The following PCSK1 variants were observed in gnomAD, a reference collection of about 807,000 sequenced individuals.
PCSK1 encodes neuroendocrine convertase 1.
In PCSK1, 56 loss-of-function variants were observed where a neutral mutation model predicts 90.6. The ratio of observed to expected loss-of-function variants is 0.62; its 90% CI spans 0.50 to 0.77. The LOEUF (loss-of-function observed/expected upper bound fraction) is 0.77. Ranked by LOEUF, PCSK1 falls within the 30% of genes least tolerant of loss-of-function variation. The pLI is 0.00. For synonymous variants in PCSK1, 348 were observed against 342.4 expected (o/e 1.02, Z -0.18); for missense variants, 801 against 932.6 (o/e 0.86, Z 1.84).
chr5:96,398,345 G>T (rs894622706), intron 11 of PCSK1, among the ~76,000 whole-genome samples: 1 of 152,042 alleles, frequency 6.6e-6, no homozygotes, highest in African/African-American at 2.4e-5. Flanking sequence ...TATGGTTCAC[G>T]AGCTCTTTCC....
At chr5:96,418,223 A>G (rs1760996476) in intron 5 of PCSK1, among the ~76,000 whole-genome samples, 1 of 152,186 alleles carries the variant, frequency 6.6e-6, no homozygotes, top group Non-Finnish European at 1.5e-5. Flanking sequence ...AAGTGTTCCT[A>G]TGTCATTCTT....
At chr5:96,410,736 C>G (rs1301921671) in intron 8 of PCSK1, 38 bp downstream of exon 8, 2 of 1,515,720 alleles carry the variant, frequency 1.3e-6, no homozygotes, top group Non-Finnish European at 1.8e-6. Flanking sequence ...GCCACGCTCT[C>G]CTAACTAAGC....
At chr5:96,418,284 C>G (rs778004722) in intron 5 of PCSK1, among the ~76,000 whole-genome samples, 1 of 152,178 alleles carries the variant, frequency 6.6e-6, no homozygotes, top group South Asian at 2.1e-4. Flanking sequence ...CAGTAAAGAA[C>G]TTTCTATTAT....
intron 9 of PCSK1, among the ~76,000 whole-genome samples, chr5:96,405,151 C>T (rs1250000724): frequency 6.6e-6 from 1 of 152,054 alleles, no homozygotes; most frequent in Non-Finnish European, 1.5e-5. Context: ...CCTCTATGTA[C>T]CTTGGCAGTA....
chr5:96,397,223 T>G, intron 12 of PCSK1, 113 bp downstream of exon 12: 1 of 892,806 alleles, frequency 1.1e-6, no homozygotes, highest in East Asian at 2.6e-5. Context: ...TTACTTCTAC[T>G]AAGAAGGGGT....
intron 9 of PCSK1, among the ~76,000 whole-genome samples, chr5:96,403,436 C>G (rs568745510): frequency 1.3e-5 from 2 of 152,076 alleles, no homozygotes; most frequent in South Asian, 2.1e-4. Context: ...CATGACAGGC[C>G]CCGGTGTATT....
intron 6 of PCSK1, among the ~76,000 whole-genome samples, chr5:96,413,526 G>C (rs907612458): frequency 3.9e-5 from 6 of 152,178 alleles, no homozygotes; most frequent in African/African-American, 1.4e-4. Context: ...AGAGCCAGGC[G>C]CAGTGGCTCA....
intron 3 of PCSK1, 59 bp from the exon 4 acceptor site, chr5:96,423,518 G>T (rs748310168): frequency 1.4e-5 from 21 of 1,519,616 alleles, no homozygotes; most frequent in Non-Finnish European, 1.7e-5. Flanking sequence ...TACAAAATGG[G>T]CACTTCAGTT....
In PCSK1 at chr5:96,421,903, T is replaced by G. The variant is rs1346727554; in HGVS notation, c.597A>C (p.Arg199=). The change falls in exon 5 of 14, where the codon CGA becomes CGC. Residue 199 remains arginine, a synonymous_variant. Transcript: ENST00000311106. The part of the protein sequence containing the change: ...FNDNDHDPFP[R]YDPTNENKHG... The stretch of plus-strand genomic sequence containing the variant: ...ACTTGTTCTCGTTTGTGGGATCATA[T>G]CGGGGAAATGGATCATGGTCATTAT... 1.3e-6 allele frequency: 2 copies of G among 1,581,442 alleles called. No homozygotes were observed. The highest frequency in any genetic ancestry group is 1.7e-5 in the Admixed American group (1 of 59,338).
chr5:96,397,860 C>A (rs1408077696), intron 11 of PCSK1, among the ~76,000 whole-genome samples: 1 of 151,884 alleles, frequency 6.6e-6, no homozygotes, highest in African/African-American at 2.4e-5. Flanking sequence ...GAGAGGAAAT[C>A]TTGAAAATTT....
intron 1 of PCSK1, among the ~76,000 whole-genome samples, chr5:96,429,852 A>G (rs916310736): frequency 6.6e-6 from 1 of 152,194 alleles, no homozygotes; most frequent in African/African-American, 2.4e-5. Flanking sequence ...ATTAGCTCAC[A>G]GTAGGAGGCT....
chr5:96,407,208 C>A (rs1760603418), intron 9 of PCSK1, among the ~76,000 whole-genome samples: 4 of 152,058 alleles, frequency 2.6e-5, no homozygotes, highest in African/African-American at 9.7e-5. Flanking sequence ...AACTACATTT[C>A]ATTAAAAATT....
chr5:96,414,015 T>C (rs2112426176), intron 6 of PCSK1, among the ~76,000 whole-genome samples: 1 of 144,714 alleles, frequency 6.9e-6, no homozygotes, highest in Middle Eastern at 3.8e-3. Context: ...GGCGGGTTCC[T>C]GTAGTCCTAG....
intron 8 of PCSK1, among the ~76,000 whole-genome samples, chr5:96,408,886 A>G (rs1760660501): frequency 1.3e-5 from 2 of 152,342 alleles, no homozygotes; most frequent in South Asian, 2.1e-4. Flanking sequence ...CCACATTTAC[A>G]CTTTGAGGAA....
chr5:96,428,312 A>T (rs541100614), intron 2 of PCSK1, among the ~76,000 whole-genome samples: 46 of 152,238 alleles, frequency 3.0e-4, no homozygotes, highest in South Asian at 2.5e-3. Flanking sequence ...CACCAAGAGG[A>T]TCTCTCATTC....
intron 6 of PCSK1, among the ~76,000 whole-genome samples, chr5:96,414,745 C>T (rs568011507): frequency 6.6e-5 from 10 of 152,232 alleles, no homozygotes; most frequent in South Asian, 4.1e-4. Context: ...ATAGCTGTTT[C>T]GTTCATTATG....
intron 11 of PCSK1, among the ~76,000 whole-genome samples, chr5:96,398,095 G>A (rs1760225317): frequency 6.6e-6 from 1 of 152,018 alleles, no homozygotes; most frequent in Non-Finnish European, 1.5e-5. Flanking sequence ...ATAACTGCAG[G>A]TCTATCAATT....
At chr5:96,422,755 G>A (rs1761167285) in intron 4 of PCSK1, among the ~76,000 whole-genome samples, 1 of 152,020 alleles carries the variant, frequency 6.6e-6, no homozygotes, top group African/African-American at 2.4e-5. Context: ...GATATATGAT[G>A]GTGTTCATAT....
At chr5:96,421,752 T>C in intron 5 of PCSK1, 128 bp downstream of exon 5, 1 of 714,474 alleles carries the variant, frequency 1.4e-6, no homozygotes, top group Non-Finnish European at 2.6e-6. Flanking sequence ...CAAAATATTG[T>C]GGTATGGATG....
Sources: allele counts gnomAD v4.1 joint callset (sites outside exome capture counted in the v4.1 genomes callset), GRCh38; gene constraint gnomAD v4.1.1; transcripts MANE v1.5; gene names NCBI Gene and HGNC (gene_info 2026-07-23, HGNC 2026-07-21).